KIF5C: variants seen among roughly 807,000 people sequenced by gnomAD.
KIF5C encodes kinesin family member 5C.
Under a neutral mutation model 125.2 loss-of-function variants are expected in KIF5C, and 18 were observed. The observed-to-expected ratio is 0.14, with a 90% confidence interval of 0.10 to 0.21. The LOEUF (loss-of-function observed/expected upper bound fraction) is 0.21. Ranked by LOEUF, KIF5C falls within the 10% of genes least tolerant of loss-of-function variation. The pLI is 1.00. For synonymous variants in KIF5C, 405 were observed against 434.0 expected, an observed-to-expected ratio of 0.93 and a Z score of 0.83; for missense variants, 780 against 1,183.8, an observed-to-expected ratio of 0.66 and a Z score of 5.01.
In KIF5C at chr2:148,997,269, A is replaced by G. The variant is rs1681701867; in HGVS notation, c.2029A>G (p.Met677Val). ...ELAKLRAQEK[M>V]HEVSFQDKEK... The stretch of plus-strand genomic sequence containing the variant: ...TCATTTAAAATTCAAAACAGAAAAA[A>G]TGCACGAAGTCAGCTTCCAGGATAA... Residue 677 changes from methionine to valine, a missense_variant, in exon 18 of 26, where the codon ATG (methionine) becomes GTG (valine). By Grantham distance (21) the Met-to-Val change is conservative. Around this residue, in one of 2 missense-constraint regions of KIF5C, gnomAD observed 573 missense variants for 742.6 expected, o/e 0.77. Coordinates refer to ENST00000435030, the MANE Select transcript of KIF5C (RefSeq NM_004522.3). The G allele has an allele frequency of 6.2e-7, 1 of 1,611,438 alleles. No individual in the cohort carries two copies. The highest frequency in any genetic ancestry group is 1.1e-5 in the South Asian group (1 of 90,960).
At chr2:148,961,302 G>A (rs936163568) in intron 10 of KIF5C, among the ~76,000 whole-genome samples, 1 of 152,134 alleles carries the variant, frequency 6.6e-6, no homozygotes, top group Admixed American at 6.5e-5. Flanking sequence ...GTGATGGGGG[G>A]GGCGGGTGTG....
chr2:148,882,397 C>T (rs1279531870), intron 1 of KIF5C, among the ~76,000 whole-genome samples: 1 of 152,276 alleles, frequency 6.6e-6, no homozygotes, highest in African/African-American at 2.4e-5. Flanking sequence ...CACTGTTGTC[C>T]GGCTGATTAA....
chr2:148,920,794 C>A (rs1681753021), intron 1 of KIF5C, among the ~76,000 whole-genome samples: 1 of 152,170 alleles, frequency 6.6e-6, no homozygotes, highest in Admixed American at 6.5e-5. Context: ...CTCTTGGATC[C>A]CTCATGAGCA....
At chr2:148,948,717 C>T (rs554830242) in intron 8 of KIF5C, among the ~76,000 whole-genome samples, 5 of 152,168 alleles carry the variant, frequency 3.3e-5, no homozygotes, top group Non-Finnish European at 5.9e-5. Flanking sequence ...GGCAGTTTGA[C>T]ATTTCTGGGG....
At chr2:148,959,262 C>T (rs551695211) in intron 10 of KIF5C, among the ~76,000 whole-genome samples, 16 of 152,118 alleles carry the variant, frequency 1.1e-4, no homozygotes, top group African/African-American at 3.9e-4. Flanking sequence ...GTTTTTATTC[C>T]AAGATTTCTG....
chr2:148,959,316 A>G (rs1030992029), intron 10 of KIF5C, among the ~76,000 whole-genome samples: 1 of 151,028 alleles, frequency 6.6e-6, no homozygotes, highest in East Asian at 1.9e-4. Context: ...ATGATGTTCA[A>G]TCCTCTAACT....
In KIF5C at chr2:148,875,592, G is replaced by GGCCCCCCCCCC; in HGVS notation, c.-26_-25insGCCCCCCCCCC. 1 of 236,066 alleles carries GGCCCCCCCCCC rather than the reference G, an allele frequency of 4.2e-6. No homozygotes were observed. The highest frequency in any genetic ancestry group is 3.9e-5 in the South Asian group (1 of 25,496). 14.6% of individuals were successfully genotyped at this position (236,066 alleles called of 1,614,324 possible). A position where few individuals can be genotyped will look rare whatever the true frequency, so the allele number is the denominator to read the frequency against. Reference sequence around the variant, plus strand: ...CGGCCCCGGCCCCCCACCCATCCCCGTGCCCCCTCCCTACCGCCGGCCGAG... The same window carrying GGCCCCCCCCCC: ...CGGCCCCGGCCCCCCACCCATCCCCGGCCCCCCCCCCTGCCCCCTCCCTACCGCCGGCCGAG... On this transcript the variant is annotated 5_prime_UTR_variant, in exon 1 of 26. Coordinates refer to ENST00000435030, the MANE Select transcript of KIF5C (RefSeq NM_004522.3).
At chr2:148,994,636 G>A (rs983797479) in intron 17 of KIF5C, 98 bp downstream of exon 17, 2 of 1,385,280 alleles carry the variant, frequency 1.4e-6, no homozygotes, top group African/African-American at 1.5e-5. Context: ...TTCAGTTAAA[G>A]CATTTCTAGG....
Position 148,991,215 on chromosome 2 carries a change from C to T in KIF5C, c.1905+17C>T, listed in dbSNP as rs1424552208. 2 of 1,610,594 alleles carry T rather than the reference C, an allele frequency of 1.2e-6. No individual in the cohort carries two copies. Among genetic ancestry groups the T allele is most frequent in the African/African-American group, 1.3e-5 (1 of 74,852 alleles). On this transcript the variant is annotated intron_variant, in intron 16 of 25. Coordinates refer to ENST00000435030, the MANE Select transcript of KIF5C (RefSeq NM_004522.3). ...ATCTCCCAGGTGGGCCCTTCCCTTCCCCATCATTGCACTCTTGTTGTCTTG... is the reference window on the plus strand; with the variant it reads ...ATCTCCCAGGTGGGCCCTTCCCTTCTCCATCATTGCACTCTTGTTGTCTTG...
chr2:148,875,586 A>AC lies in KIF5C; in HGVS notation c.-32_-31insC. 7 of 269,928 alleles carry AC rather than the reference A, an allele frequency of 2.6e-5. No homozygotes were observed. The highest frequency in any genetic ancestry group is 1.3e-4 in the Admixed American group (2 of 15,262). The allele number at this position is 269,928 out of a possible 1,614,324, so 16.7% of individuals were successfully genotyped here. A position where few individuals can be genotyped will look rare whatever the true frequency, so the allele number is the denominator to read the frequency against. On this transcript the variant is annotated 5_prime_UTR_variant, in exon 1 of 26. Coordinates refer to ENST00000435030, the MANE Select transcript of KIF5C (RefSeq NM_004522.3). ...CGTTCCCGGCCCCGGCCCCCCACCCATCCCCGTGCCCCCTCCCTACCGCCG... is the reference window on the plus strand; with the variant it reads ...CGTTCCCGGCCCCGGCCCCCCACCCACTCCCCGTGCCCCCTCCCTACCGCCG...
chr2:148,983,830 A>T, intron 15 of KIF5C, 64 bp downstream of exon 15: 1 of 1,473,472 alleles, frequency 6.8e-7, no homozygotes, highest in South Asian at 1.6e-5. Context: ...TCTGTGCTTT[A>T]CTCTTTTAAG....
intron 15 of KIF5C, among the ~76,000 whole-genome samples, chr2:148,989,593 G>C (rs187632539): frequency 2.0e-4 from 30 of 152,224 alleles, no homozygotes; most frequent in Admixed American, 2.0e-3. Flanking sequence ...ACTAGTTTAC[G>C]TTCCCACCAG....
chr2:148,994,855 C>T (rs1488027355), intron 17 of KIF5C, among the ~76,000 whole-genome samples: 3 of 152,062 alleles, frequency 2.0e-5, no homozygotes, highest in Admixed American at 2.0e-4. Flanking sequence ...ATGCGTGTCA[C>T]CACACCTGGC....
chr2:148,985,584 G>A (rs978775241), intron 15 of KIF5C, among the ~76,000 whole-genome samples: 5 of 152,140 alleles, frequency 3.3e-5, no homozygotes, highest in Admixed American at 2.0e-4. Flanking sequence ...TGTTGATTTT[G>A]TTGAGCTGGG....
At chr2:148,968,768 ATT>A (rs10714986) in intron 11 of KIF5C, among the ~76,000 whole-genome samples, 2,798 of 148,342 alleles carry the variant, frequency 0.019, 90 homozygotes, top group African/African-American at 0.063. Flanking sequence ...TAAAAGAATG[ATT>A]TTTTTTTTTT....
intron 24 of KIF5C, 93 bp downstream of exon 24, chr2:149,010,444 T>G (rs748581169): frequency 2.3e-5 from 34 of 1,453,142 alleles, no homozygotes; most frequent in Non-Finnish European, 3.0e-5. Context: ...GCTGGCCCAC[T>G]CTGGAACATC....
At chr2:148,912,625 A>G (rs1207164962) in intron 1 of KIF5C, among the ~76,000 whole-genome samples, 1 of 152,158 alleles carries the variant, frequency 6.6e-6, no homozygotes, top group African/African-American at 2.4e-5. Context: ...TTTAAAAAAT[A>G]TTTTATAGAG....
At chr2:148,955,846 G>A (rs1208870669) in intron 10 of KIF5C, among the ~76,000 whole-genome samples, 1 of 152,124 alleles carries the variant, frequency 6.6e-6, no homozygotes, top group African/African-American at 2.4e-5. Context: ...CTGAAGGTGT[G>A]AGGTTGTCTA....
rs111563535 is a variant in KIF5C at position 149,006,619 on chromosome 2, G to A, written c.2445+1155G>A. ...GTTGAGTTAGAAGCATGGGCTTGGC[G>A]TGGCCCCTGACAGCATGGTTTAAGT... On this transcript the variant is annotated intron_variant, in intron 22 of 25. Transcript: ENST00000435030. Among the ~76,000 whole-genome samples, 443 of 152,314 alleles carry A rather than the reference G, an allele frequency of 2.9e-3. 3 individuals are homozygous for A. Among genetic ancestry groups the A allele is most frequent in the African/African-American group, 0.01 (417 of 41,564 alleles).
Sources: gnomAD v4.1 joint callset for allele counts (sites outside exome capture counted in the v4.1 genomes callset) on GRCh38, gnomAD v4.1.1 for gene constraint, gnomAD v4.1.1 regional missense constraint, MANE v1.5 for transcripts, NCBI Gene and HGNC (gene_info 2026-07-23, HGNC 2026-07-21) for gene names.